Variants in CATSPERE observed in about 807,000 individuals in gnomAD.
CATSPERE encodes cation channel sperm-associated auxiliary subunit epsilon.
CATSPERE carries 93 observed loss-of-function variants against 114.1 expected under a neutral mutation model. That is an observed-to-expected ratio of 0.81 (90% CI 0.69 to 0.97). The LOEUF (loss-of-function observed/expected upper bound fraction) is 0.97. CATSPERE is among the 50% of genes least tolerant of loss of function. CATSPERE has a pLI of 0.00. For missense variants in CATSPERE, 1,058 were observed against 1,131.6 expected, an observed-to-expected ratio of 0.93 and a Z score of 0.93; for synonymous variants, 341 against 384.1, an observed-to-expected ratio of 0.89 and a Z score of 1.31.
chr1:244,465,176 C>G (rs1437791827), intron 2 of CATSPERE, among the ~76,000 whole-genome samples: 3 of 151,990 alleles, frequency 2.0e-5, no homozygotes, highest in Non-Finnish European at 4.4e-5. Context: ...GCTGGGACTA[C>G]AGGTGCACAC....
chr1:244,636,218 G>T (rs1318786045), intron 21 of CATSPERE, among the ~76,000 whole-genome samples: 2 of 152,172 alleles, frequency 1.3e-5, no homozygotes, highest in Non-Finnish European at 2.9e-5. Flanking sequence ...TCCTAATACT[G>T]AAGTTAGGAC....
At chr1:244,490,414 T>G in intron 5 of CATSPERE, 33 bp from the exon 6 acceptor site, 1 of 1,478,650 alleles carries the variant, frequency 6.8e-7, no homozygotes, top group South Asian at 1.2e-5. Flanking sequence ...AACAGGCTGT[T>G]TACTAAAATA....
chr1:244,525,501 AAATAT>A (rs147932295), intron 8 of CATSPERE, among the ~76,000 whole-genome samples: 19,434 of 151,636 alleles, frequency 0.13, 2,154 homozygotes, highest in African/African-American at 0.3. Flanking sequence ...ATAATAAATA[AAATAT>A]AATAAAATAA....
chr1:244,460,240 C>G (rs1666550001), upstream of CATSPERE, among the ~76,000 whole-genome samples: 1 of 152,200 alleles, frequency 6.6e-6, no homozygotes, highest in South Asian at 2.1e-4. Flanking sequence ...ACATTAACCA[C>G]AAGATTTGAA....
intron 21 of CATSPERE, among the ~76,000 whole-genome samples, chr1:244,639,527 T>C (rs1675073867): frequency 6.6e-6 from 1 of 152,122 alleles, no homozygotes; most frequent in African/African-American, 2.4e-5. Context: ...CCGTCTCTAC[T>C]AAAAATACAA....
At position 244,605,738 on chromosome 1, in the gene CATSPERE, A is replaced by G; in HGVS notation, c.2347A>G (p.Ile783Val). 1 of 1,613,664 alleles carries G rather than the reference A, an allele frequency of 6.2e-7. No homozygotes were observed. The highest frequency in any genetic ancestry group is 8.5e-7 in the Non-Finnish European group (1 of 1,179,672). Reference protein sequence around the residue: ...GYVKDVEANFIVWEIHGRDDY... With the variant: ...GYVKDVEANFVVWEIHGRDDY... ...TGTTAAAGACGTTGAAGCAAATTTC[A>G]TAGTGTGGGAAATACACGGCAGGGA... is the stretch of plus-strand genomic sequence containing the variant. The change falls in exon 18 of 22, where the codon ATA becomes GTA. Residue 783 changes from isoleucine (I) to valine (V), a missense_variant. This residue lies in a region of CATSPERE where 787 missense variants were observed against 905.6 expected (regional missense o/e 0.87). Transcript: ENST00000366534.
chr1:244,504,784 G>A lies in CATSPERE; in HGVS notation c.429+5705G>A, dbSNP rs1225169370. Among the ~76,000 whole-genome samples, 4 of 152,186 alleles carry A rather than the reference G, an allele frequency of 2.6e-5. No individual in the cohort carries two copies. The highest frequency in any genetic ancestry group is 5.9e-5 in the Non-Finnish European group (4 of 68,034). ...GGCGCATACAATCATATGATGTGTC[G>A]CTGCTGATGTTTGCGTTCATCACCT... On this transcript the variant is annotated intron_variant, in intron 7 of 21. Transcript: ENST00000366534. The surrounding 1 kb of genome is among the most constrained non-coding windows in gnomAD (Gnocchi z 4.1).
At chr1:244,529,966 G>A (rs984027302) in intron 8 of CATSPERE, among the ~76,000 whole-genome samples, 1 of 151,858 alleles carries the variant, frequency 6.6e-6, no homozygotes, top group African/African-American at 2.4e-5. Context: ...TTGTTTTTGA[G>A]ACAAGAGTTT....
intron 20 of CATSPERE, among the ~76,000 whole-genome samples, chr1:244,627,180 C>G (rs1673307523): frequency 6.6e-6 from 1 of 152,094 alleles, no homozygotes; most frequent in Non-Finnish European, 1.5e-5. Flanking sequence ...GGTCAGTGAT[C>G]AGTCAGAGCA....
intron 17 of CATSPERE, among the ~76,000 whole-genome samples, chr1:244,603,265 A>G (rs1669519078): frequency 6.6e-6 from 1 of 152,170 alleles, no homozygotes; most frequent in Admixed American, 6.5e-5. Flanking sequence ...GCATCAGAAT[A>G]CAGAAAATTA....
chr1:244,451,795 G>A (rs367698631), upstream of CATSPERE: 6 of 1,594,872 alleles, frequency 3.8e-6, no homozygotes, highest in Non-Finnish European at 5.1e-6. This position sits in a 1 kb window ranked among gnomAD's most constrained non-coding sequence, Gnocchi z 6.6. Context: ...GGATGCCGCC[G>A]GGTAGGTCTC....
chr1:244,593,365 G>A (rs758926812), intron 15 of CATSPERE, 30 bp from the exon 16 acceptor site: 2 of 1,609,636 alleles, frequency 1.2e-6, no homozygotes. Context: ...AAAGAGGAAA[G>A]AGAAATAATG....
upstream of CATSPERE, among the ~76,000 whole-genome samples, chr1:244,461,180 T>C (rs933456313): frequency 3.9e-5 from 6 of 152,228 alleles, no homozygotes; most frequent in Non-Finnish European, 8.8e-5. Flanking sequence ...GAAAGCCTGG[T>C]TCTGCCTTTC....
At chr1:244,451,524 A>G (rs1374375657), upstream of CATSPERE, 7 of 1,004,530 alleles carry the variant, frequency 7.0e-6, no homozygotes, top group Non-Finnish European at 1.0e-5. The surrounding 1 kb of genome is among the most constrained non-coding windows in gnomAD (Gnocchi z 6.6). Flanking sequence ...TCAAGGTGAC[A>G]CCTCATTTTG....
rs914656326 is a variant in CATSPERE, at chr1:244,568,793, T to C, written c.1508-3537T>C. On this transcript the variant is annotated intron_variant, in intron 10 of 21. Coordinates refer to ENST00000366534, the MANE Select transcript of CATSPERE (RefSeq NM_001130957.2). The surrounding 1 kb of genome is among the most constrained non-coding windows in gnomAD (Gnocchi z 4.4). ...CTTGCTGGACTCCATAGGGGTGGGATCCACTGAGCTAGACCACTTGGCTCC... is the reference window on the plus strand; with the variant it reads ...CTTGCTGGACTCCATAGGGGTGGGACCCACTGAGCTAGACCACTTGGCTCC... 2.0e-5 allele frequency among the ~76,000 whole-genome samples: 3 copies of C among 152,152 alleles called. No individual in the cohort carries two copies. Among genetic ancestry groups the C allele is most frequent in the African/African-American group, 7.2e-5 (3 of 41,438 alleles).
intron 20 of CATSPERE, among the ~76,000 whole-genome samples, chr1:244,620,362 A>T (rs1671935124): frequency 6.6e-6 from 1 of 152,238 alleles, no homozygotes; most frequent in Non-Finnish European, 1.5e-5. Flanking sequence ...AAGGCTGAGC[A>T]GAACTAAGAC....
chr1:244,532,618 C>T (rs1679786514), intron 8 of CATSPERE, among the ~76,000 whole-genome samples: 1 of 152,094 alleles, frequency 6.6e-6, no homozygotes, highest in Non-Finnish European at 1.5e-5. Context: ...TTCACTGACC[C>T]ACTGGTCATT....
At chr1:244,452,692 G>C (rs1665720706), upstream of CATSPERE, among the ~76,000 whole-genome samples, 1 of 152,150 alleles carries the variant, frequency 6.6e-6, no homozygotes, top group Admixed American at 6.5e-5. Flanking sequence ...TATAAGGTAG[G>C]TGATCCTCTA....
Position 244,572,640 on chromosome 1 carries a change from A to G in CATSPERE, c.1818A>G (p.Thr606=). ...FYFLDKGEAL[T]VWTQIVYPEN... ...TTTTGGACAAGGGAGAGGCTCTGAC[A>G]GTTTGGACTCAGATCGTCTATCCAG... is the stretch of plus-strand genomic sequence containing the variant. Residue 606 remains threonine, a synonymous_variant, in exon 11 of 22, where the codon ACA becomes ACG. Coordinates refer to ENST00000366534, the MANE Select transcript of CATSPERE (RefSeq NM_001130957.2). 1 of 1,614,130 alleles carries G rather than the reference A, an allele frequency of 6.2e-7. No homozygotes were observed. Among genetic ancestry groups the G allele is most frequent in the South Asian group, 1.1e-5 (1 of 91,076 alleles).
Sources: allele counts gnomAD v4.1 joint callset (sites outside exome capture counted in the v4.1 genomes callset), GRCh38; gene constraint gnomAD v4.1.1; regional missense constraint gnomAD v4.1.1; non-coding constraint Gnocchi (gnomAD v3.1); transcripts MANE v1.5; gene names NCBI Gene and HGNC (gene_info 2026-07-23, HGNC 2026-07-21).